The following NIBAN1 variants were observed in gnomAD, a reference collection of about 807,000 sequenced individuals.
NIBAN1 encodes the protein niban apoptosis regulator 1, also known as protein Niban 1.
Under a neutral mutation model 75.1 loss-of-function variants are expected in NIBAN1, and 81 were observed. That is an observed-to-expected ratio of 1.08 (90% CI 0.90 to 1.30). The LOEUF is 1.30. Among genes scored for constraint, NIBAN1 ranks in the 50% most tolerant of loss-of-function variants. The pLI is 0.00. For missense variants in NIBAN1, 1,133 were observed against 1,128.1 expected, an observed-to-expected ratio of 1.00 and a Z score of -0.06; for synonymous variants, 436 against 424.8, an observed-to-expected ratio of 1.03 and a Z score of -0.32.
At chr1:184,940,379 C>A (rs1187382844) in intron 1 of NIBAN1, among the ~76,000 whole-genome samples, 1 of 152,144 alleles carries the variant, frequency 6.6e-6, no homozygotes, top group Non-Finnish European at 1.5e-5. Context: ...ATAAATTCCT[C>A]CAAATTACTT....
At chr1:184,806,568 C>T (rs1274600331) in intron 10 of NIBAN1, among the ~76,000 whole-genome samples, 2 of 152,098 alleles carry the variant, frequency 1.3e-5, no homozygotes, top group African/African-American at 4.8e-5. Flanking sequence ...GTGTTCCCGT[C>T]ACCAGGGTCC....
intron 1 of NIBAN1, among the ~76,000 whole-genome samples, chr1:184,936,259 G>C (rs1233980686): frequency 6.6e-6 from 1 of 152,080 alleles, no homozygotes; most frequent in Non-Finnish European, 1.5e-5. Context: ...AGAACAACAG[G>C]AGAACTCACA....
chr1:184,872,482 G>A (rs901670660), intron 5 of NIBAN1, among the ~76,000 whole-genome samples: 1 of 152,140 alleles, frequency 6.6e-6, no homozygotes, highest in Non-Finnish European at 1.5e-5. Context: ...GAGGCAGGTA[G>A]ATCACTTGAG....
intron 1 of NIBAN1, among the ~76,000 whole-genome samples, chr1:184,967,053 C>G (rs1571612458): frequency 6.6e-6 from 1 of 152,080 alleles, no homozygotes; most frequent in African/African-American, 2.4e-5. Flanking sequence ...CATACAGTAC[C>G]AAGGTAGGGG....
rs1211527821 is a variant in NIBAN1, at chr1:184,913,073, T to G, written c.56-13764A>C. ...CCTATCGATGGATACTTGGGCAGTT[T>G]CCTTTGTCTAGTATGCACAATATTG... On this transcript the variant is annotated intron_variant, in intron 1 of 13. Coordinates refer to ENST00000367511, the MANE Select transcript of NIBAN1 (RefSeq NM_052966.4). 1.1e-4 allele frequency among the ~76,000 whole-genome samples: 17 copies of G among 150,620 alleles called. No individual in the cohort carries two copies. In the Admixed American group the frequency reaches 1.1e-3, roughly 10 times the overall value.
At chr1:184,956,868 G>T (rs1414851040) in intron 1 of NIBAN1, among the ~76,000 whole-genome samples, 1 of 152,142 alleles carries the variant, frequency 6.6e-6, no homozygotes, top group African/African-American at 2.4e-5. Context: ...AATCACCCTG[G>T]ATAGTGTGAT....
At chr1:184,930,998 T>TC (rs1491586583) in intron 1 of NIBAN1, among the ~76,000 whole-genome samples, 46,588 of 112,164 alleles carry the variant, frequency 0.42, 8,478 homozygotes, top group South Asian at 0.51. Flanking sequence ...TTTCTTCTTC[T>TC]TTTTTTTTTT....
Position 184,871,546 on chromosome 1 carries a change from A to G in NIBAN1, c.601+13087T>C, listed in dbSNP as rs190664721. ...CATCTGGATTTTGAACTTTGAGACAATACACTTCTGGTGTTTAAGTCACTA... is the reference window on the plus strand; with the variant it reads ...CATCTGGATTTTGAACTTTGAGACAGTACACTTCTGGTGTTTAAGTCACTA... On this transcript the variant is annotated intron_variant, in intron 5 of 13. Transcript: ENST00000367511. 2.4e-4 allele frequency among the ~76,000 whole-genome samples: 36 copies of G among 152,218 alleles called. No individual in the cohort carries two copies. In the East Asian group the frequency reaches 4.6e-3, roughly 20 times the overall value.
At chr1:184,922,563 A>G (rs1023603736) in intron 1 of NIBAN1, among the ~76,000 whole-genome samples, 4 of 151,944 alleles carry the variant, frequency 2.6e-5, no homozygotes, top group South Asian at 2.1e-4. Flanking sequence ...AGAAATATCT[A>G]TTCAGATCTT....
chr1:184,971,619 G>A (rs547683890), intron 1 of NIBAN1, among the ~76,000 whole-genome samples: 3 of 152,142 alleles, frequency 2.0e-5, no homozygotes, highest in African/African-American at 2.4e-5. Context: ...GCAGTGATCC[G>A]AGATCGTGCC....
At chr1:184,894,654 T>C (rs1344819585) in intron 2 of NIBAN1, among the ~76,000 whole-genome samples, 2 of 152,298 alleles carry the variant, frequency 1.3e-5, no homozygotes, top group East Asian at 1.9e-4. Flanking sequence ...CCCTATCCAT[T>C]ACACCTGCCG....
chr1:184,879,795 C>T (rs1005918179), intron 5 of NIBAN1, among the ~76,000 whole-genome samples: 2 of 152,196 alleles, frequency 1.3e-5, no homozygotes, highest in African/African-American at 4.8e-5. Context: ...CCAATTCCAA[C>T]ACATAATCAC....
intron 1 of NIBAN1, among the ~76,000 whole-genome samples, chr1:184,917,250 G>A (rs1277372465): frequency 6.6e-6 from 1 of 150,884 alleles, no homozygotes; most frequent in African/African-American, 2.4e-5. Flanking sequence ...TGTCGCCCAG[G>A]CTGGAGTGCA....
intron 1 of NIBAN1, among the ~76,000 whole-genome samples, chr1:184,936,956 T>C (rs111462935): frequency 2.0e-5 from 3 of 152,226 alleles, no homozygotes; most frequent in African/African-American, 4.8e-5. Context: ...GTAAAGAAAC[T>C]GAGGGACTTA....
At chr1:184,818,577 C>A in intron 9 of NIBAN1, 61 bp downstream of exon 9, 6 of 1,434,430 alleles carry the variant, frequency 4.2e-6, no homozygotes, top group Non-Finnish European at 5.6e-6. Context: ...GCAGATAAAG[C>A]CCCATGGAAA....
At chr1:184,799,883 C>T (rs1571468609) in intron 12 of NIBAN1, among the ~76,000 whole-genome samples, 1 of 97,204 alleles carries the variant, frequency 1.0e-5, no homozygotes, top group African/African-American at 5.5e-5. Context: ...GTAGCTGGGA[C>T]TACAGGCGCC....
At chr1:184,839,549 G>GTGTA (rs945508912) in intron 5 of NIBAN1, among the ~76,000 whole-genome samples, 1 of 150,150 alleles carries the variant, frequency 6.7e-6, no homozygotes, top group African/African-American at 2.5e-5. Flanking sequence ...GCATTCCTGT[G>GTGTA]TGTGTGTGTG....
Position 184,795,383 on chromosome 1 carries a change from G to A in NIBAN1, c.2381C>T (p.Pro794Leu), listed in dbSNP as rs1397426328. 6.2e-7 allele frequency: 1 copy of A among 1,605,672 alleles called. No individual in the cohort carries two copies. Among genetic ancestry groups the A allele is most frequent in the Non-Finnish European group, 8.5e-7 (1 of 1,176,592 alleles). Residue 794 changes from proline to leucine, a missense_variant, in exon 14 of 14, where the codon CCA becomes CTA. By Grantham distance (98) the Pro-to-Leu change is moderately conservative. Transcript: ENST00000367511. ...CCCTCCACTGGCTGGCGGAGAGGCT[G>A]GGCTGCCTACCTCTGGAAATCCCCC... is the stretch of plus-strand genomic sequence containing the variant. ...ELGGFPEVGS[P>L]ASPPASGGLT...
At chr1:184,845,462 G>T (rs1217557606) in intron 5 of NIBAN1, among the ~76,000 whole-genome samples, 1 of 152,138 alleles carries the variant, frequency 6.6e-6, no homozygotes, top group Admixed American at 6.5e-5. Flanking sequence ...AACTTTAACT[G>T]CAAAAAGCAG....
Sources: allele counts gnomAD v4.1 joint callset (sites outside exome capture counted in the v4.1 genomes callset), GRCh38; gene constraint gnomAD v4.1.1; transcripts MANE v1.5; gene names NCBI Gene and HGNC (gene_info 2026-07-23, HGNC 2026-07-21).